SI: variants seen among roughly 807,000 people sequenced by gnomAD.
The protein encoded by SI is sucrase-isomaltase, intestinal.
SI carries 235 observed loss-of-function variants against 253.3 expected under a neutral mutation model. That is an observed-to-expected ratio of 0.93 (90% CI 0.83 to 1.03). SI has a LOEUF of 1.03. Among genes scored for constraint, SI ranks in the 50% least tolerant of loss-of-function variants. The pLI, the probability that SI is intolerant of heterozygous loss-of-function variation, is 0.00. For missense variants in SI, 2,442 were observed against 2,211.1 expected (o/e 1.10, Z -2.09); for synonymous variants, 819 against 712.0 (o/e 1.15, Z -2.39).
chr3:165,063,301 C>A (rs929483777), intron 8 of SI, 141 bp downstream of exon 8: 2 of 464,040 alleles, frequency 4.3e-6, no homozygotes, highest in South Asian at 7.5e-5. Context: ...ATTTCAAAAT[C>A]TTCTTATAAT....
Position 165,018,176 on chromosome 3 carries a change from C to T in SI, c.3424-110G>A, listed in dbSNP as rs371591932. The T allele has an allele frequency of 2.3e-4, 162 of 710,158 alleles. 2 individuals carry two copies. The highest frequency in any genetic ancestry group is 2.2e-3 in the East Asian group (79 of 36,572). 44.0% of individuals were successfully genotyped at this position (710,158 alleles called of 1,614,324 possible). ...AATCGAGACTTGATATTTAAATTCC[C>T]GTTTCCCAACCTTAAACTATGCTTC... On this transcript the variant is annotated intron_variant, in intron 28 of 47. Coordinates refer to ENST00000264382, the MANE Select transcript of SI (RefSeq NM_001041.4).
chr3:165,024,845 C>G (rs1030556405), intron 25 of SI, among the ~76,000 whole-genome samples: 1 of 151,114 alleles, frequency 6.6e-6, no homozygotes, highest in Non-Finnish European at 1.5e-5. Context: ...CCTTGATTTT[C>G]TCTTGAACTC....
intron 12 of SI, among the ~76,000 whole-genome samples, chr3:165,056,222 G>A (rs1713687382): frequency 6.6e-6 from 1 of 152,082 alleles, no homozygotes. Context: ...GTTAATTAAG[G>A]GTAGGAAATT....
At chr3:165,032,795 C>T in intron 23 of SI, 103 bp from the exon 24 acceptor site, 3 of 679,564 alleles carry the variant, frequency 4.4e-6, no homozygotes, top group Non-Finnish European at 7.6e-6. Context: ...ATCTACATCT[C>T]TATTCCCACC....
intron 3 of SI, among the ~76,000 whole-genome samples, chr3:165,073,170 TTCTCTCTCTCTCTC>T (rs59796544): frequency 0.051 from 6,752 of 131,806 alleles, 211 homozygotes; most frequent in African/African-American, 0.085. Context: ...CTTCAATCAT[TTCTCTCTCTCTCTC>T]TCTCTCTCTC....
At chr3:165,017,709 A>C in intron 30 of SI, 36 bp from the exon 31 acceptor site, 1 of 1,605,242 alleles carries the variant, frequency 6.2e-7, no homozygotes, top group African/African-American at 1.3e-5. Context: ...TAAGAGAATT[A>C]CTTTATGCTA....
intron 44 of SI, 109 bp downstream of exon 44, chr3:164,991,244 A>C: frequency 8.4e-7 from 1 of 1,186,232 alleles, no homozygotes; most frequent in Non-Finnish European, 1.3e-6. Flanking sequence ...AGGCAGGCTA[A>C]TGTACTAGCT....
intron 44 of SI, among the ~76,000 whole-genome samples, chr3:164,987,901 T>A (rs1348650268): frequency 1.3e-5 from 2 of 152,176 alleles, no homozygotes; most frequent in East Asian, 3.9e-4. Flanking sequence ...TTTAATAGCA[T>A]TTTAAAATCT....
intron 25 of SI, among the ~76,000 whole-genome samples, chr3:165,025,269 T>A (rs1711851199): frequency 6.6e-6 from 1 of 150,956 alleles, no homozygotes; most frequent in Non-Finnish European, 1.5e-5. Flanking sequence ...CAAGATGAGG[T>A]TTTTGAATTA....
intron 13 of SI, among the ~76,000 whole-genome samples, chr3:165,051,021 A>G (rs1713399752): frequency 6.6e-6 from 1 of 152,070 alleles, no homozygotes; most frequent in Non-Finnish European, 1.5e-5. Flanking sequence ...TCACTCAAAG[A>G]CACTAATAAA....
chr3:165,057,640 C>A, intron 12 of SI, among the ~76,000 whole-genome samples: 1 of 151,110 alleles, frequency 6.6e-6, no homozygotes. Flanking sequence ...CTGGCACAGA[C>A]TTTTCAGTGT....
At chr3:165,075,105 T>A (rs1264057025) in intron 2 of SI, among the ~76,000 whole-genome samples, 1 of 151,986 alleles carries the variant, frequency 6.6e-6, no homozygotes, top group Non-Finnish European at 1.5e-5. Context: ...TGCAAGGGAA[T>A]AATTTGATAG....
intron 40 of SI, among the ~76,000 whole-genome samples, chr3:164,995,808 C>T (rs1311410030): frequency 6.6e-6 from 1 of 151,652 alleles, no homozygotes; most frequent in Non-Finnish European, 1.5e-5. Context: ...TGTATCTGAC[C>T]TATTACATAT....
In SI at chr3:165,015,134, A is replaced by T; in HGVS notation, c.3988T>A (p.Cys1330Ser). ...TATCGATTTAGTACCTTTGCCCAAC[A>T]AATGTCATTGGTGTTTGGCCATTTG... ...FVKWPNTNDICWAKVWPDLPN... is the reference protein window; with the variant it reads ...FVKWPNTNDISWAKVWPDLPN... The change falls in exon 33 of 48, where the codon TGT (cysteine) becomes AGT (serine). Residue 1330 changes from cysteine to serine, a missense_variant. Transcript: ENST00000264382. 6.2e-7 allele frequency: 1 copy of T among 1,610,594 alleles called. No individual in the cohort carries two copies. Among genetic ancestry groups the T allele is most frequent in the Non-Finnish European group, 8.5e-7 (1 of 1,177,006 alleles).
intron 9 of SI, among the ~76,000 whole-genome samples, chr3:165,061,433 A>G (rs1713981213): frequency 1.3e-5 from 2 of 151,952 alleles, no homozygotes; most frequent in South Asian, 4.1e-4. Context: ...TAAATTTTAC[A>G]TTTATAAACA....
rs1560002498 is a variant in SI at position 165,039,898 on chromosome 3, C to G, written c.2233G>C (p.Val745Leu). 7 of 1,611,598 alleles carry G rather than the reference C, an allele frequency of 4.3e-6. No individual in the cohort carries two copies. The highest frequency in any genetic ancestry group is 1.7e-4 in the Middle Eastern group (1 of 6,050). ...CCTGTAGAGCCTACCTGTTTTAGAA[C>G]AGGAGTAATAAGTAATGCAGGGCCC... ...LWGPALLITP[V>L]LKQGADTVSA... The change falls in exon 19 of 48, where the codon GTT becomes CTT. Residue 745 changes from valine to leucine, a missense_variant. Coordinates refer to ENST00000264382, the MANE Select transcript of SI (RefSeq NM_001041.4).
intron 37 of SI, among the ~76,000 whole-genome samples, chr3:165,005,674 T>A (rs553759125): frequency 6.6e-6 from 1 of 152,198 alleles, no homozygotes; most frequent in African/African-American, 2.4e-5. Context: ...TGAGTCACAC[T>A]AGACACATTG....
rs566584373 is a variant in SI, at chr3:165,054,421, G to A, written c.1512+773C>T. ...AGTTTCACTCTTGTTGCCCAGGCTA[G>A]AATGCAGTGGCACCATCTTGGCTCA... On this transcript the variant is annotated intron_variant, in intron 13 of 47. Coordinates refer to ENST00000264382, the MANE Select transcript of SI (RefSeq NM_001041.4). 2.0e-3 allele frequency among the ~76,000 whole-genome samples: 302 copies of A among 152,124 alleles called. 2 individuals are homozygous for A. Among genetic ancestry groups the A allele is most frequent in the African/African-American group, 7.1e-3 (294 of 41,506 alleles).
In SI at chr3:165,030,816, G is replaced by T; in HGVS notation, c.2788C>A (p.Gln930Lys). The T allele has an allele frequency of 6.6e-7, 1 of 1,521,510 alleles. No homozygotes were observed. 94.3% of individuals were successfully genotyped at this position (1,521,510 alleles called of 1,614,324 possible). The change falls in exon 25 of 48, where the codon CAA becomes AAA. Residue 930 changes from glutamine to lysine, a missense_variant. Physicochemically the swap from Gln to Lys is moderately conservative, Grantham distance 53. Coordinates refer to ENST00000264382, the MANE Select transcript of SI (RefSeq NM_001041.4). ...KLNLGRNFSV[Q>K]WNQIFSENER... ...TTTTCTGAGAAAATTTGATTCCATT[G>T]AACACTAAAGTTTCTTCCAAGATTA... is the stretch of plus-strand genomic sequence containing the variant.
Sources: gnomAD v4.1 joint callset for allele counts (sites outside exome capture counted in the v4.1 genomes callset) on GRCh38, gnomAD v4.1.1 for gene constraint, MANE v1.5 for transcripts, NCBI Gene and HGNC (gene_info 2026-07-23, HGNC 2026-07-21) for gene names.